ENOX1: variants seen among roughly 807,000 people sequenced by gnomAD.
ENOX1 encodes candidate growth-related and time keeping constitutive hydroquinone (NADH) oxidase.
ENOX1 carries 42 observed loss-of-function variants against 82.5 expected under a neutral mutation model. The observed-to-expected ratio is 0.51, with a 90% CI of 0.40 to 0.66. The LOEUF is 0.66. Among genes scored for constraint, ENOX1 ranks in the 30% least tolerant of loss-of-function variants. The pLI is 0.00. For synonymous variants in ENOX1, 271 were observed against 282.2 expected (o/e 0.96, Z 0.40); for missense variants, 608 against 811.6 (o/e 0.75, Z 3.05).
intron 11 of ENOX1, among the ~76,000 whole-genome samples, chr13:43,321,695 G>A (rs1023696794): frequency 7.2e-5 from 11 of 152,142 alleles, no homozygotes; most frequent in African/African-American, 2.7e-4. Flanking sequence ...TTCTTCCTAG[G>A]TCCTTCGGAC....
At chr13:43,730,344 A>G (rs2089267287) in intron 1 of ENOX1, among the ~76,000 whole-genome samples, 1 of 152,162 alleles carries the variant, frequency 6.6e-6, no homozygotes, top group Non-Finnish European at 1.5e-5. Context: ...CTCCACTTCT[A>G]TTCTCAATCT....
intron 2 of ENOX1, among the ~76,000 whole-genome samples, chr13:43,574,867 A>G (rs1381731114): frequency 6.6e-6 from 1 of 152,172 alleles, no homozygotes; most frequent in African/African-American, 2.4e-5. Context: ...AGGTTATTTA[A>G]GATTTTCCCA....
At chr13:43,476,634 A>C (rs1389429724) in intron 3 of ENOX1, among the ~76,000 whole-genome samples, 2 of 152,118 alleles carry the variant, frequency 1.3e-5, no homozygotes, top group African/African-American at 2.4e-5. Flanking sequence ...TTCCCTTGTC[A>C]TTTCCCACTC....
At chr13:43,419,454 G>T (rs1044464515) in intron 3 of ENOX1, among the ~76,000 whole-genome samples, 3 of 152,104 alleles carry the variant, frequency 2.0e-5, no homozygotes, top group Non-Finnish European at 4.4e-5. Flanking sequence ...GCTGGGGTGG[G>T]AGGATTGCTT....
At chr13:43,351,532 C>T (rs1473207478) in intron 8 of ENOX1, among the ~76,000 whole-genome samples, 2 of 145,658 alleles carry the variant, frequency 1.4e-5, no homozygotes, top group Non-Finnish European at 3.0e-5. Context: ...CCCACTAACT[C>T]GTCATCTAGC....
intron 2 of ENOX1, among the ~76,000 whole-genome samples, chr13:43,533,238 T>G (rs1478209838): frequency 6.6e-6 from 1 of 152,136 alleles, no homozygotes; most frequent in Non-Finnish European, 1.5e-5. Flanking sequence ...GGAGGAGGGC[T>G]GATTGAAGAA....
intron 9 of ENOX1, among the ~76,000 whole-genome samples, chr13:43,333,692 G>A (rs973325027): frequency 5.3e-5 from 8 of 152,140 alleles, no homozygotes; most frequent in South Asian, 2.1e-4. Context: ...GCATGATCTC[G>A]GCTCACTGCA....
chr13:43,309,506 G>T (rs1178422157), intron 11 of ENOX1, among the ~76,000 whole-genome samples: 1 of 152,154 alleles, frequency 6.6e-6, no homozygotes. Context: ...CAGTGGAGAG[G>T]AAACGCAGAA....
intron 5 of ENOX1, among the ~76,000 whole-genome samples, chr13:43,367,666 T>C (rs1166743480): frequency 6.7e-6 from 1 of 149,520 alleles, no homozygotes; most frequent in Non-Finnish European, 1.5e-5. Flanking sequence ...AATATGTTTC[T>C]GTTATTTTAA....
At chr13:43,730,002 C>G (rs1249889543) in intron 1 of ENOX1, among the ~76,000 whole-genome samples, 7 of 152,212 alleles carry the variant, frequency 4.6e-5, no homozygotes, top group Non-Finnish European at 7.3e-5. Flanking sequence ...GAGATCCCTC[C>G]CCTCTCTCCA....
chr13:43,655,657 C>T (rs1594282746), intron 2 of ENOX1, among the ~76,000 whole-genome samples: 1 of 152,188 alleles, frequency 6.6e-6, no homozygotes, highest in African/African-American at 2.4e-5. Flanking sequence ...CCCAGTTCTA[C>T]AAGTCCACAG....
chr13:43,627,987 T>C (rs1332054434), intron 2 of ENOX1, among the ~76,000 whole-genome samples: 3 of 152,142 alleles, frequency 2.0e-5, no homozygotes, highest in Admixed American at 6.6e-5. Context: ...TCCTTCTAAT[T>C]GATTTTTCCT....
At chr13:43,738,934 C>T (rs2089761773) in intron 1 of ENOX1, among the ~76,000 whole-genome samples, 1 of 152,182 alleles carries the variant, frequency 6.6e-6, no homozygotes, top group East Asian at 1.9e-4. Context: ...GTCCCTTACC[C>T]TCCATACTCA....
chr13:43,483,781 A>G (rs773478607), intron 3 of ENOX1, among the ~76,000 whole-genome samples: 8 of 152,218 alleles, frequency 5.3e-5, no homozygotes, highest in Non-Finnish European at 1.0e-4. Flanking sequence ...AATGTGGGGT[A>G]TATTTTATTT....
Position 43,283,658 on chromosome 13 carries a change from C to T in ENOX1, c.1447-14081G>A, listed in dbSNP as rs1264838052. Among the ~76,000 whole-genome samples the T allele has an allele frequency of 3.3e-5, 5 of 151,486 alleles. No individual in the cohort carries two copies. In the East Asian group the frequency reaches 5.8e-4, roughly 18 times the overall value. ...ACAGATGGGGTCTCAGTATGTTGACCAGGCTGGTCTCAAACTCCTGGGCTC... is the reference window on the plus strand; with the variant it reads ...ACAGATGGGGTCTCAGTATGTTGACTAGGCTGGTCTCAAACTCCTGGGCTC... On this transcript the variant is annotated intron_variant, in intron 12 of 16. Coordinates refer to ENST00000690772, the MANE Select transcript of ENOX1 (RefSeq NM_001347969.2).
At chr13:43,562,023 T>C (rs899086311) in intron 2 of ENOX1, among the ~76,000 whole-genome samples, 2 of 147,006 alleles carry the variant, frequency 1.4e-5, no homozygotes, top group Admixed American at 1.3e-4. Flanking sequence ...GAGGGAAGGA[T>C]GGAGAGAGGG....
intron 2 of ENOX1, among the ~76,000 whole-genome samples, chr13:43,579,143 T>C (rs2080585665): frequency 6.6e-6 from 1 of 152,086 alleles, no homozygotes; most frequent in Non-Finnish European, 1.5e-5. Context: ...GTGTAGAGAA[T>C]AGTGTCTGGG....
chr13:43,432,727 G>A (rs184667185), intron 3 of ENOX1, among the ~76,000 whole-genome samples: 13 of 152,238 alleles, frequency 8.5e-5, no homozygotes, highest in East Asian at 5.8e-4. Flanking sequence ...TTTCAACTCC[G>A]TCTCAGCCCT....
chr13:43,415,096 G>A (rs2153600889), intron 3 of ENOX1, among the ~76,000 whole-genome samples: 1 of 152,218 alleles, frequency 6.6e-6, no homozygotes, highest in African/African-American at 2.4e-5. Flanking sequence ...ATTGAAAACA[G>A]TAAGCAACTG....
Sources: allele counts gnomAD v4.1 joint callset (sites outside exome capture counted in the v4.1 genomes callset), GRCh38; gene constraint gnomAD v4.1.1; transcripts MANE v1.5; gene names NCBI Gene and HGNC (gene_info 2026-07-23, HGNC 2026-07-21).